Variants in ATP6V0D2 observed in about 807,000 individuals in gnomAD.
ATP6V0D2 encodes the protein ATPase H+ transporting V0 subunit d2.
Under a neutral mutation model 40.0 loss-of-function variants are expected in ATP6V0D2, and 40 were observed. The observed-to-expected ratio is 1.00, with a 90% CI of 0.78 to 1.30. The LOEUF is 1.30. Ranked by LOEUF, ATP6V0D2 falls within the 50% of genes most tolerant of loss-of-function variation. ATP6V0D2 has a pLI of 0.00. For synonymous variants in ATP6V0D2, 179 were observed against 156.3 expected, an observed-to-expected ratio of 1.15 and a Z score of -1.08; for missense variants, 470 against 423.1, an observed-to-expected ratio of 1.11 and a Z score of -0.97.
intron 2 of ATP6V0D2, among the ~76,000 whole-genome samples, chr8:86,125,731 T>C (rs1680630813): frequency 6.6e-6 from 1 of 152,136 alleles, no homozygotes; most frequent in African/African-American, 2.4e-5. Context: ...AATGTTTTTT[T>C]ATATGTGCAT....
intron 1 of ATP6V0D2, among the ~76,000 whole-genome samples, chr8:86,102,213 A>T (rs551157025): frequency 6.6e-6 from 1 of 152,290 alleles, no homozygotes; most frequent in East Asian, 1.9e-4. Flanking sequence ...GCTCTACCTG[A>T]TTATTTTATA....
intron 2 of ATP6V0D2, among the ~76,000 whole-genome samples, chr8:86,120,725 A>G (rs1818658467): frequency 6.6e-6 from 1 of 152,216 alleles, no homozygotes; most frequent in Non-Finnish European, 1.5e-5. Context: ...AGGTGTTTAT[A>G]TCTCCAATTT....
chr8:86,153,169 A>G lies in ATP6V0D2; in HGVS notation c.*192A>G. ...GCATTTCCTTGTTTTCAGTGGTATT[A>G]GATCTTGTTTCCACATGTCTGTCTC... On this transcript the variant is annotated 3_prime_UTR_variant, in exon 8 of 8. Transcript: ENST00000285393. 1 of 421,024 alleles carries G rather than the reference A, an allele frequency of 2.4e-6. No individual in the cohort carries two copies. Among genetic ancestry groups the G allele is most frequent in the South Asian group, 5.2e-5 (1 of 19,078 alleles). The allele number at this position is 421,024 out of a possible 1,614,324, so 26.1% of individuals were successfully genotyped here. A position where few individuals can be genotyped will look rare whatever the true frequency, so the allele number is the denominator to read the frequency against.
chr8:86,138,486 T>C (rs900086002), intron 2 of ATP6V0D2, among the ~76,000 whole-genome samples: 1 of 152,144 alleles, frequency 6.6e-6, no homozygotes, highest in Non-Finnish European at 1.5e-5. Flanking sequence ...ATATCTTAGG[T>C]GCTGACTACA....
chr8:86,127,187 C>A (rs534953146), intron 2 of ATP6V0D2, among the ~76,000 whole-genome samples: 20 of 152,166 alleles, frequency 1.3e-4, no homozygotes, highest in Non-Finnish European at 2.8e-4. Flanking sequence ...ATTCTAAATT[C>A]AGCTGACTAG....
At chr8:86,139,769 T>C (rs995912567) in intron 3 of ATP6V0D2, 134 bp downstream of exon 3, 3 of 863,694 alleles carry the variant, frequency 3.5e-6, no homozygotes, top group African/African-American at 1.7e-5. Flanking sequence ...ATGAATACAG[T>C]AGCATACCAT....
intron 2 of ATP6V0D2, among the ~76,000 whole-genome samples, chr8:86,127,716 TC>T (rs1186419713): frequency 1.3e-5 from 2 of 152,168 alleles, no homozygotes; most frequent in Non-Finnish European, 2.9e-5. Context: ...GAGCCACAGC[TC>T]CCAGCCTGAA....
chr8:86,139,954 G>A (rs1285073143), intron 3 of ATP6V0D2, among the ~76,000 whole-genome samples: 3 of 152,136 alleles, frequency 2.0e-5, no homozygotes, highest in Non-Finnish European at 4.4e-5. Context: ...CCAGGTCATA[G>A]CAAATAAATA....
At chr8:86,109,034 A>G (rs963811892) in intron 1 of ATP6V0D2, among the ~76,000 whole-genome samples, 14 of 152,100 alleles carry the variant, frequency 9.2e-5, no homozygotes, top group African/African-American at 2.9e-4. Flanking sequence ...TATTTTCCTT[A>G]TTTTAATAAA....
chr8:86,120,608 C>T (rs2130247793), intron 2 of ATP6V0D2, among the ~76,000 whole-genome samples: 1 of 152,080 alleles, frequency 6.6e-6, no homozygotes, highest in South Asian at 2.1e-4. Context: ...CTTCCATTAG[C>T]CACAGTCTCC....
In ATP6V0D2 at chr8:86,129,982, G is replaced by GAA. The variant is rs869058078; in HGVS notation, c.303-9460_303-9459dup. ...ACAGAGAGAGACCCTGTCTCGAAAAGAAAAAAAAAAAAAAAAGAAAAGAAA... is the reference window on the plus strand; with the variant it reads ...ACAGAGAGAGACCCTGTCTCGAAAAGAAAAAAAAAAAAAAAAAAGAAAAGAAA... On this transcript the variant is annotated intron_variant, in intron 2 of 7. Coordinates refer to ENST00000285393, the MANE Select transcript of ATP6V0D2 (RefSeq NM_152565.1). Among the ~76,000 whole-genome samples, 399 of 92,918 alleles carry GAA rather than the reference G, an allele frequency of 4.3e-3. 9 individuals are homozygous for GAA. Among genetic ancestry groups the GAA allele is most frequent in the Admixed American group, 0.023 (181 of 7,946 alleles). 61.0% of individuals were successfully genotyped at this position (92,918 alleles called of 152,430 possible).
At chr8:86,139,798 C>T (rs1818949799) in intron 3 of ATP6V0D2, among the ~76,000 whole-genome samples, 163 bp downstream of exon 3, 1 of 152,134 alleles carries the variant, frequency 6.6e-6, no homozygotes, top group Non-Finnish European at 1.5e-5. Context: ...CTGGAAGTGG[C>T]AGAGACATTA....
At chr8:86,110,894 G>A (rs1818521869) in intron 1 of ATP6V0D2, among the ~76,000 whole-genome samples, 1 of 152,066 alleles carries the variant, frequency 6.6e-6, no homozygotes, top group African/African-American at 2.4e-5. Flanking sequence ...CCGCCAGGCA[G>A]GTAAATTTGG....
chr8:86,145,045 C>T (rs186246641), intron 5 of ATP6V0D2, among the ~76,000 whole-genome samples: 56 of 150,654 alleles, frequency 3.7e-4, no homozygotes, highest in African/African-American at 1.3e-3. Context: ...CATCTGTAAT[C>T]CCAGCTTCTT....
chr8:86,119,382 C>T (rs1349982481), intron 2 of ATP6V0D2, among the ~76,000 whole-genome samples: 1 of 152,026 alleles, frequency 6.6e-6, no homozygotes, highest in East Asian at 1.9e-4. Flanking sequence ...GTGCACACCA[C>T]CGTACCCAGC....
intron 3 of ATP6V0D2, among the ~76,000 whole-genome samples, chr8:86,140,115 G>GA (rs1474447924): frequency 2.0e-5 from 3 of 152,104 alleles, no homozygotes; most frequent in African/African-American, 7.2e-5. Flanking sequence ...ATTTTTCTGA[G>GA]ATGCTCAAGA....
chr8:86,130,857 C>T (rs372492092), intron 2 of ATP6V0D2, among the ~76,000 whole-genome samples: 4 of 152,072 alleles, frequency 2.6e-5, no homozygotes, highest in Non-Finnish European at 5.9e-5. Flanking sequence ...TAACGACCCC[C>T]CACCCCAGTT....
At chr8:86,151,146 T>C (rs1009397415) in intron 6 of ATP6V0D2, among the ~76,000 whole-genome samples, 12 of 152,164 alleles carry the variant, frequency 7.9e-5, no homozygotes, top group African/African-American at 2.9e-4. Context: ...GACCAAATCA[T>C]GAACATTCAC....
chr8:86,136,635 T>C (rs1198528553), intron 2 of ATP6V0D2, among the ~76,000 whole-genome samples: 1 of 152,164 alleles, frequency 6.6e-6, no homozygotes, highest in Non-Finnish European at 1.5e-5. Flanking sequence ...GTGCTTTTTA[T>C]AAAGGGATAA....
Sources: allele counts gnomAD v4.1 joint callset (sites outside exome capture counted in the v4.1 genomes callset), GRCh38; gene constraint gnomAD v4.1.1; transcripts MANE v1.5; gene names NCBI Gene and HGNC (gene_info 2026-07-23, HGNC 2026-07-21).